Variants in RNF10 observed in about 807,000 individuals in gnomAD.
RNF10 encodes the protein E3 ubiquitin-protein ligase RNF10.
A neutral mutation model predicts 91.4 loss-of-function variants in RNF10; 38 were observed. The ratio of observed to expected loss-of-function variants is 0.42; its 90% confidence interval spans 0.32 to 0.54. The LOEUF (loss-of-function observed/expected upper bound fraction) is 0.54. Among genes scored for constraint, RNF10 ranks in the 20% least tolerant of loss-of-function variants. The pLI is 0.16. For synonymous variants in RNF10, 364 were observed against 366.3 expected (o/e 0.99, Z 0.07); for missense variants, 945 against 1,012.0 (o/e 0.93, Z 0.90).
chr12:120,560,790 A>G lies in RNF10; in HGVS notation c.1032A>G (p.Val344=), dbSNP rs367963197. The change falls in exon 7 of 17, where the codon GTA becomes GTG. Residue 344 remains valine, a synonymous_variant. Coordinates refer to ENST00000325954, the MANE Select transcript of RNF10 (RefSeq NM_014868.5). ...LASKEQVLHR[V]VLEEKVALEQ... The stretch of plus-strand genomic sequence containing the variant: ...CTAAGGAGCAGGTGCTGCACCGGGT[A>G]GTTCTGGAGGAGAAAGTAGCACTAG... 7.4e-6 allele frequency: 12 copies of G among 1,613,892 alleles called. No individual in the cohort carries two copies. The highest frequency in any genetic ancestry group is 1.6e-4 in the Middle Eastern group (1 of 6,084).
intron 4 of RNF10, 39 bp downstream of exon 4, chr12:120,554,847 G>A (rs1873723106): frequency 2.7e-6 from 4 of 1,507,442 alleles, no homozygotes; most frequent in Non-Finnish European, 3.7e-6. Flanking sequence ...ATGAATGGGA[G>A]CACTAAATAA....
chr12:120,568,479 CT>C (rs200277775), intron 13 of RNF10, among the ~76,000 whole-genome samples: 12,599 of 144,396 alleles, frequency 0.087, 616 homozygotes, highest in Non-Finnish European at 0.11. Context: ...TTATTAATTT[CT>C]TTTTTTTTTT....
chr12:120,542,155 C>A (rs144595102), intron 1 of RNF10, among the ~76,000 whole-genome samples: 1 of 152,136 alleles, frequency 6.6e-6, no homozygotes, highest in Non-Finnish European at 1.5e-5. Flanking sequence ...CGTGAGCCAC[C>A]GTGCCTGGCC....
chr12:120,554,656 C>A (rs1250167858), intron 3 of RNF10, 62 bp from the exon 4 acceptor site: 2 of 1,298,350 alleles, frequency 1.5e-6, no homozygotes, highest in East Asian at 2.3e-5. Flanking sequence ...ATGACAATTT[C>A]TGCTGAGGGT....
chr12:120,550,040 G>T (rs1178148264), intron 2 of RNF10, among the ~76,000 whole-genome samples: 2 of 152,132 alleles, frequency 1.3e-5, no homozygotes, highest in African/African-American at 4.8e-5. Context: ...CTGTCTAATA[G>T]ATCAAGCCAT....
At chr12:120,574,595 T>G in intron 14 of RNF10, 1 of 453,698 alleles carries the variant, frequency 2.2e-6, no homozygotes, top group Admixed American at 2.4e-5. Context: ...TTCATGGCTT[T>G]AGGTAACTGA....
chr12:120,541,437 CTTT>C (rs3049456), intron 1 of RNF10, among the ~76,000 whole-genome samples: 6 of 140,558 alleles, frequency 4.3e-5, no homozygotes, highest in Non-Finnish European at 4.6e-5. Context: ...CTGAGTTTTC[CTTT>C]TTTTTTTTTT....
chr12:120,541,097 T>C (rs1871494719), intron 1 of RNF10, among the ~76,000 whole-genome samples: 1 of 152,198 alleles, frequency 6.6e-6, no homozygotes, highest in Admixed American at 6.5e-5. Context: ...CCTCAGGTGA[T>C]CCGCCCGCCT....
At chr12:120,575,105 G>C (rs928002083) in intron 14 of RNF10, 3 of 157,028 alleles carry the variant, frequency 1.9e-5, no homozygotes, top group Non-Finnish European at 4.2e-5. Context: ...AAATTAGCCA[G>C]GCGGGTGCCT....
chr12:120,552,083 C>CAAA (rs563764429), intron 2 of RNF10, among the ~76,000 whole-genome samples: 4 of 86,454 alleles, frequency 4.6e-5, no homozygotes, highest in East Asian at 2.9e-4. Flanking sequence ...GACTCTGTCT[C>CAAA]AAAAAAAAAA....
At chr12:120,575,731 C>T in intron 15 of RNF10, 43 bp downstream of exon 15, 1 of 1,613,982 alleles carries the variant, frequency 6.2e-7, no homozygotes. Flanking sequence ...GGCTTCTTTC[C>T]ATAAAAGGCT....
At chr12:120,559,845 G>A (rs185782488) in intron 6 of RNF10, among the ~76,000 whole-genome samples, 3 of 150,980 alleles carry the variant, frequency 2.0e-5, no homozygotes, top group East Asian at 2.0e-4. Flanking sequence ...ATAGGCGCCC[G>A]TCACCACGCC....
Position 120,537,135 on chromosome 12 carries a change from C to A in RNF10, c.157+2167C>A, listed in dbSNP as rs774108276. Among the ~76,000 whole-genome samples the A allele has an allele frequency of 2.0e-5, 3 of 151,624 alleles. No individual in the cohort carries two copies. In the East Asian group the frequency reaches 5.8e-4, roughly 29 times the overall value. On this transcript the variant is annotated intron_variant, in intron 1 of 16. Coordinates refer to ENST00000325954, the MANE Select transcript of RNF10 (RefSeq NM_014868.5). The stretch of plus-strand genomic sequence containing the variant: ...ATTACTTGAGCCCAGGAGTTCGAGA[C>A]CCTGTCCTACAAAAAAATAAATGAG...
At chr12:120,565,377 AATGAC>A in intron 11 of RNF10, 46 bp from the exon 12 acceptor site, 2 of 1,535,330 alleles carry the variant, frequency 1.3e-6, no homozygotes, top group Non-Finnish European at 1.8e-6. Flanking sequence ...GGGAGGAGGT[AATGAC>A]CATGTTGTCC....
Position 120,576,645 on chromosome 12 carries a change from C to G in RNF10, c.2415C>G (p.Thr805=). Residue 805 remains threonine (T), a synonymous_variant, in exon 17 of 17, where the codon ACC becomes ACG. Transcript: ENST00000325954. ...KKQKQKLLFS[T]SVVHTK ...AGAAACAGAAGCTCCTGTTCAGCAC[C>G]TCAGTCGTCCACACCAAGTGACACT... 6.2e-7 allele frequency: 1 copy of G among 1,614,014 alleles called. No homozygotes were observed. Among genetic ancestry groups the G allele is most frequent in the Non-Finnish European group, 8.5e-7 (1 of 1,179,950 alleles).
At chr12:120,551,952 C>T (rs897945695) in intron 2 of RNF10, among the ~76,000 whole-genome samples, 35 of 151,252 alleles carry the variant, frequency 2.3e-4, no homozygotes, top group African/African-American at 7.3e-4. Flanking sequence ...GAACTTACAG[C>T]GGGAGAACGG....
chr12:120,554,650 C>G, intron 3 of RNF10, 68 bp from the exon 4 acceptor site: 1 of 1,245,424 alleles, frequency 8.0e-7, no homozygotes. Context: ...GAATAGATGA[C>G]AATTTCTGCT....
intron 6 of RNF10, among the ~76,000 whole-genome samples, chr12:120,558,547 A>G (rs1874353517): frequency 6.8e-6 from 1 of 147,610 alleles, no homozygotes; most frequent in Admixed American, 6.9e-5. Context: ...TATTTTATTT[A>G]TAGATATATA....
chr12:120,536,262 GAAA>G lies in RNF10; in HGVS notation c.157+1304_157+1306del, dbSNP rs574435683. Among the ~76,000 whole-genome samples, 3 of 144,064 alleles carry G rather than the reference GAAA, an allele frequency of 2.1e-5. No individual in the cohort carries two copies. In the South Asian group the frequency reaches 6.5e-4, roughly 31 times the overall value. 94.5% of individuals were successfully genotyped at this position (144,064 alleles called of 152,430 possible). A position where few individuals can be genotyped will look rare whatever the true frequency, so the allele number is the denominator to read the frequency against. ...GATAGTAAGACCCTCGTCTCCATAA[GAAA>G]AAAAAAAAATTAGCCGAGTGTGGTG... On this transcript the variant is annotated intron_variant, in intron 1 of 16. Coordinates refer to ENST00000325954, the MANE Select transcript of RNF10 (RefSeq NM_014868.5).
Sources: gnomAD v4.1 joint callset for allele counts (sites outside exome capture counted in the v4.1 genomes callset) on GRCh38, gnomAD v4.1.1 for gene constraint, MANE v1.5 for transcripts, NCBI Gene and HGNC (gene_info 2026-07-23, HGNC 2026-07-21) for gene names.